TRPM3: variants seen among roughly 807,000 people sequenced by gnomAD.
TRPM3 encodes long transient receptor potential channel 3.
TRPM3 carries 77 observed loss-of-function variants against 181.2 expected under a neutral mutation model. The observed-to-expected ratio is 0.42, with a 90% confidence interval of 0.35 to 0.51. TRPM3 has a LOEUF of 0.51. TRPM3 is among the 20% of genes least tolerant of loss of function. The probability of loss-of-function intolerance (pLI) is 0.01; values close to 1 mark genes in which losing one functional copy is unlikely to be tolerated. For missense variants in TRPM3, 1,759 were observed against 2,196.7 expected (o/e 0.80, Z 3.98); for synonymous variants, 745 against 796.4 (o/e 0.94, Z 1.09).
chr9:70,610,719 A>T lies in TRPM3; in HGVS notation c.2557T>A (p.Ser853Thr). The change falls in exon 19 of 26, where the codon TCC becomes ACC. Residue 853 changes from serine to threonine, a missense_variant. Physicochemically the swap from Ser to Thr is moderately conservative, Grantham distance 58 (BLOSUM62 1). Coordinates refer to ENST00000677713, the MANE Select transcript of TRPM3 (RefSeq NM_001366145.2). ...AMLGRNNGES[S>T]RKKDEEEVQS... ...ACTTCCTCTTCATCCTTCTTCCTGG[A>T]GGACTCCCCGTTGTTTCGTCCCAAC... 7 of 1,614,152 alleles carry T rather than the reference A, an allele frequency of 4.3e-6. No individual in the cohort carries two copies. Among genetic ancestry groups the T allele is most frequent in the Non-Finnish European group, 5.9e-6 (7 of 1,180,006 alleles).
chr9:70,808,150 G>A (rs1381348262), intron 6 of TRPM3, among the ~76,000 whole-genome samples: 1 of 152,176 alleles, frequency 6.6e-6, no homozygotes, highest in Non-Finnish European at 1.5e-5. Flanking sequence ...GTTCCATCAA[G>A]ATAACAGGTT....
At chr9:70,972,898 C>T (rs1367859165) in intron 1 of TRPM3, among the ~76,000 whole-genome samples, 2 of 152,202 alleles carry the variant, frequency 1.3e-5, no homozygotes, top group Non-Finnish European at 2.9e-5. Flanking sequence ...TGACATTACC[C>T]ACAATTTCTG....
At chr9:71,202,632 G>T (rs925222201) in intron 1 of TRPM3, among the ~76,000 whole-genome samples, 3 of 152,118 alleles carry the variant, frequency 2.0e-5, no homozygotes, top group African/African-American at 7.2e-5. Flanking sequence ...CCAGGTACTC[G>T]GACAGTGCAG....
At chr9:70,774,007 G>A (rs2080868041) in intron 7 of TRPM3, 1 of 152,102 alleles carries the variant, frequency 6.6e-6, no homozygotes, top group African/African-American at 2.4e-5. Flanking sequence ...TCCTATCTTT[G>A]CCTCAGCAGA....
chr9:71,303,358 T>C (rs1389208540), intron 1 of TRPM3, among the ~76,000 whole-genome samples: 1 of 152,252 alleles, frequency 6.6e-6, no homozygotes, highest in East Asian at 1.9e-4. Context: ...TAAATATCTC[T>C]TTATCTGCAT....
chr9:70,587,179 A>C (rs963194015), intron 22 of TRPM3, among the ~76,000 whole-genome samples: 11 of 152,224 alleles, frequency 7.2e-5, no homozygotes, highest in Admixed American at 2.0e-4. Context: ...TTTGGAGTGA[A>C]TGGAAAGGGC....
At chr9:71,420,793 G>GA in intron 1 of TRPM3, among the ~76,000 whole-genome samples, 1 of 18,792 alleles carries the variant, frequency 5.3e-5, no homozygotes, top group East Asian at 1.0e-3. Flanking sequence ...GAGAAAGAGA[G>GA]AGAAAGAAAG....
intron 1 of TRPM3, among the ~76,000 whole-genome samples, chr9:70,910,975 T>G (rs980532784): frequency 4.6e-5 from 7 of 152,194 alleles, no homozygotes; most frequent in Non-Finnish European, 1.0e-4. Flanking sequence ...TCTATCAAAG[T>G]GTGTATCAGA....
chr9:70,836,144 T>A (rs535281699), intron 5 of TRPM3, among the ~76,000 whole-genome samples: 10 of 152,176 alleles, frequency 6.6e-5, no homozygotes, highest in Non-Finnish European at 1.2e-4. Context: ...ATCTTCCACA[T>A]GTGTACTCTC....
intron 22 of TRPM3, among the ~76,000 whole-genome samples, chr9:70,589,001 T>C (rs1282758715): frequency 6.6e-6 from 1 of 152,102 alleles, no homozygotes; most frequent in Non-Finnish European, 1.5e-5. Flanking sequence ...TTTCAGAACA[T>C]CGAAAAGGAA....
intron 1 of TRPM3, among the ~76,000 whole-genome samples, chr9:71,053,888 C>CACTGGAGT (rs1355591624): frequency 1.3e-5 from 2 of 152,050 alleles, no homozygotes; most frequent in Admixed American, 6.6e-5. Flanking sequence ...ATCCTTCAGA[C>CACTGGAGT]ACTGGAGTAC....
intron 1 of TRPM3, among the ~76,000 whole-genome samples, chr9:70,947,490 T>C (rs2096947481): frequency 6.6e-6 from 1 of 151,870 alleles, no homozygotes; most frequent in African/African-American, 2.4e-5. Flanking sequence ...TTTTTTTTCC[T>C]TTTGGAATTT....
At chr9:71,421,451 C>T (rs895612606) in intron 1 of TRPM3, among the ~76,000 whole-genome samples, 2 of 151,946 alleles carry the variant, frequency 1.3e-5, no homozygotes, top group African/African-American at 4.8e-5. Context: ...AGGTGTCCCT[C>T]CTCCTTTCTC....
intron 3 of TRPM3, among the ~76,000 whole-genome samples, chr9:70,851,496 G>A (rs966322341): frequency 1.3e-5 from 2 of 152,090 alleles, no homozygotes; most frequent in Admixed American, 6.5e-5. Flanking sequence ...GACTTCTATG[G>A]TTATACATAC....
chr9:70,549,033 A>G (rs529193127), intron 25 of TRPM3, among the ~76,000 whole-genome samples: 1 of 152,324 alleles, frequency 6.6e-6, no homozygotes, highest in African/African-American at 2.4e-5. Flanking sequence ...AAGGAAAAAC[A>G]AAACAATTCT....
rs114591151 is a variant in TRPM3 at position 70,605,609 on chromosome 9, A to G, written c.2668-2139T>C. 3.6e-3 allele frequency among the ~76,000 whole-genome samples: 552 copies of G among 152,336 alleles called. 6 individuals are homozygous for G. Among genetic ancestry groups the G allele is most frequent in the African/African-American group, 0.013 (536 of 41,560 alleles). ...ATCAGTTCAAAATGGAACTTGGTTC[A>G]TATGGTTTCCGTTTACCATTATTAT... On this transcript the variant is annotated intron_variant, in intron 19 of 25. Coordinates refer to ENST00000677713, the MANE Select transcript of TRPM3 (RefSeq NM_001366145.2).
chr9:70,556,250 A>C (rs2047676012), intron 22 of TRPM3, among the ~76,000 whole-genome samples: 1 of 150,314 alleles, frequency 6.7e-6, no homozygotes, highest in South Asian at 2.1e-4. Context: ...TTTTTTTTTA[A>C]CATTATGTAC....
intron 6 of TRPM3, among the ~76,000 whole-genome samples, chr9:70,785,643 A>G (rs772780954): frequency 9.2e-5 from 14 of 152,148 alleles, no homozygotes; most frequent in Non-Finnish European, 2.1e-4. Context: ...GCTTCCCCGT[A>G]ATGAGTAATA....
At chr9:70,978,676 T>TA (rs1397914510) in intron 1 of TRPM3, among the ~76,000 whole-genome samples, 2 of 152,238 alleles carry the variant, frequency 1.3e-5, no homozygotes, top group Admixed American at 6.5e-5. Context: ...CGCTTGGTGT[T>TA]AATGTGCCGT....
Sources: gnomAD v4.1 joint callset for allele counts (sites outside exome capture counted in the v4.1 genomes callset) on GRCh38, gnomAD v4.1.1 for gene constraint, MANE v1.5 for transcripts, NCBI Gene and HGNC (gene_info 2026-07-23, HGNC 2026-07-21) for gene names.